ARFGEF1: variants seen among roughly 807,000 people sequenced by gnomAD.
ARFGEF1 encodes the protein ARF guanine nucleotide exchange factor 1, also known as brefeldin A-inhibited guanine nucleotide-exchange protein 1.
Under a neutral mutation model 231.0 loss-of-function variants are expected in ARFGEF1, and 42 were observed. The observed-to-expected ratio is 0.18, with a 90% CI of 0.14 to 0.24. The LOEUF is 0.24. Ranked by LOEUF, ARFGEF1 falls within the 10% of genes least tolerant of loss-of-function variation. The probability of loss-of-function intolerance (pLI) is 1.00; values close to 1 mark genes in which losing one functional copy is unlikely to be tolerated. For synonymous variants in ARFGEF1, 710 were observed against 732.3 expected (o/e 0.97, Z 0.49); for missense variants, 1,345 against 2,192.0 (o/e 0.61, Z 7.72).
chr8:67,343,630 C>G lies in ARFGEF1; in HGVS notation c.-343G>C. 9.7e-7 allele frequency: 1 copy of G among 1,035,448 alleles called. No homozygotes were observed. The highest frequency in any genetic ancestry group is 1.2e-6 in the Non-Finnish European group (1 of 862,594). 64.1% of individuals were successfully genotyped at this position (1,035,448 alleles called of 1,614,324 possible). A position where few individuals can be genotyped will look rare whatever the true frequency, so the allele number is the denominator to read the frequency against. On this transcript the variant is annotated 5_prime_UTR_variant, in exon 1 of 39. Transcript: ENST00000262215. ...GAGGGAGCCCGGCCCGGGCGGCTGT[C>G]TGCCGGGAACTGAGGGACGAGGTGG...
At chr8:67,327,316 C>T (rs903952853) in intron 1 of ARFGEF1, among the ~76,000 whole-genome samples, 5 of 148,012 alleles carry the variant, frequency 3.4e-5, no homozygotes, top group African/African-American at 5.0e-5. Context: ...CGATGACGTA[C>T]GTCTTTTTTT....
Position 67,198,316 on chromosome 8 carries a change from T to C in ARFGEF1, c.*618A>G, listed in dbSNP as rs1838179765. Reference sequence around the variant, plus strand: ...CATTTGACAAAATATTATGGGTATTTAGCAAATGAATAAGAAAATAAAGAA... The same window carrying C: ...CATTTGACAAAATATTATGGGTATTCAGCAAATGAATAAGAAAATAAAGAA... On this transcript the variant is annotated 3_prime_UTR_variant, in exon 39 of 39. Coordinates refer to ENST00000262215, the MANE Select transcript of ARFGEF1 (RefSeq NM_006421.5). The C allele has an allele frequency of 1.0e-6, 1 of 984,284 alleles. No individual in the cohort carries two copies. Among genetic ancestry groups the C allele is most frequent in the African/African-American group, 1.7e-5 (1 of 57,330 alleles). 61.0% of individuals were successfully genotyped at this position (984,284 alleles called of 1,614,324 possible).
At position 67,302,905 on chromosome 8, in the gene ARFGEF1, TTAAAAA is replaced by T. The variant is rs1331931731; in HGVS notation, c.125-445_125-440del. Among the ~76,000 whole-genome samples the T allele has an allele frequency of 9.0e-5, 9 of 100,234 alleles. 1 individual carries two copies. Among genetic ancestry groups the T allele is most frequent in the African/African-American group, 3.5e-4 (9 of 25,822 alleles). The allele number at this position is 100,234 out of a possible 152,430, so 65.8% of individuals were successfully genotyped here. A position where few individuals can be genotyped will look rare whatever the true frequency, so the allele number is the denominator to read the frequency against. On this transcript the variant is annotated intron_variant, in intron 1 of 38. Transcript: ENST00000262215. ...GCCTGGGCAACAAAGACCCCATCTC[TTAAAAA>T]AAAAAAAAAAAAAAAAAAAAAATTT...
At chr8:67,332,185 T>G (rs1808131154) in intron 1 of ARFGEF1, among the ~76,000 whole-genome samples, 1 of 152,228 alleles carries the variant, frequency 6.6e-6, no homozygotes, top group African/African-American at 2.4e-5. Flanking sequence ...TTTATATACT[T>G]ACATATGAAG....
At chr8:67,190,373 G>A (rs988708012) in intron 5 of ARFGEF1, among the ~76,000 whole-genome samples, 4 of 152,164 alleles carry the variant, frequency 2.6e-5, no homozygotes, top group Admixed American at 2.6e-4. Context: ...TAAATCTGTT[G>A]AAACAGAGCC....
rs1168106065 is a variant in ARFGEF1 at position 67,226,169 on chromosome 8, T to A, written c.3931A>T (p.Lys1311Ter). ...TGHIVTLVFE[K>*]HFPATIDSFQ... ...GAATCAATGGTCGCTGGAAAGTGTT[T>A]TTCAAATACAAGGGCTAAAATAGAG... The change falls in exon 28 of 39, where the codon AAA becomes TAA. Residue 1311 changes from lysine to a stop codon, truncating the protein, a stop_gained. Transcript: ENST00000262215. LOFTEE classifies it high-confidence loss of function. The A allele has an allele frequency of 6.2e-7, 1 of 1,605,192 alleles. No homozygotes were observed.
At chr8:67,213,577 C>T (rs1377118758) in intron 33 of ARFGEF1, among the ~76,000 whole-genome samples, 1 of 152,152 alleles carries the variant, frequency 6.6e-6, no homozygotes, top group Non-Finnish European at 1.5e-5. Context: ...GTACTTAAGC[C>T]AGATACTTAA....
intron 1 of ARFGEF1, among the ~76,000 whole-genome samples, chr8:67,323,887 G>A (rs910755138): frequency 5.3e-5 from 8 of 151,262 alleles, no homozygotes; most frequent in African/African-American, 1.5e-4. Context: ...TGCAAGCTCC[G>A]CCCCTTGAGT....
intron 5 of ARFGEF1, among the ~76,000 whole-genome samples, chr8:67,178,506 T>C (rs534433101): frequency 2.6e-5 from 4 of 152,272 alleles, no homozygotes; most frequent in Middle Eastern, 3.4e-3. Flanking sequence ...GAGACAGTAA[T>C]CAAATAAATC....
At chr8:67,262,611 G>A (rs1804682665) in intron 14 of ARFGEF1, among the ~76,000 whole-genome samples, 1 of 152,186 alleles carries the variant, frequency 6.6e-6, no homozygotes, top group Non-Finnish European at 1.5e-5. Flanking sequence ...GTGAATGGAA[G>A]AGACAATCAA....
intron 38 of ARFGEF1, chr8:67,199,621 C>T (rs1010640324): frequency 1.9e-5 from 3 of 155,508 alleles, no homozygotes; most frequent in African/African-American, 7.3e-5. Flanking sequence ...AGCCTCCTTT[C>T]CTACCCCTTC....
chr8:67,343,553 G>T lies in ARFGEF1; in HGVS notation c.-266C>A. 8.8e-7 allele frequency: 1 copy of T among 1,137,718 alleles called. No homozygotes were observed. Among genetic ancestry groups the T allele is most frequent in the Non-Finnish European group, 1.1e-6 (1 of 926,938 alleles). 70.5% of individuals were successfully genotyped at this position (1,137,718 alleles called of 1,614,324 possible). ...CGGGCCTCCGCTTCTCCCGGCCCGGGGGTCGCGTCCCGGCCGCCCCTCTCA... is the reference window on the plus strand; with the variant it reads ...CGGGCCTCCGCTTCTCCCGGCCCGGTGGTCGCGTCCCGGCCGCCCCTCTCA... On this transcript the variant is annotated 5_prime_UTR_variant, in exon 1 of 39. Coordinates refer to ENST00000262215, the MANE Select transcript of ARFGEF1 (RefSeq NM_006421.5).
chr8:67,216,461 T>A, intron 33 of ARFGEF1, 129 bp downstream of exon 33: 1 of 831,432 alleles, frequency 1.2e-6, no homozygotes, highest in East Asian at 3.2e-5. Context: ...TATTTATAAG[T>A]AATCCAGTCT....
chr8:67,227,900 C>G, intron 25 of ARFGEF1, 63 bp downstream of exon 25: 1 of 1,336,808 alleles, frequency 7.5e-7, no homozygotes, highest in Non-Finnish European at 9.9e-7. Context: ...AATTTGATTA[C>G]AAGGACATTC....
intron 1 of ARFGEF1, 85 bp from the exon 2 acceptor site, chr8:67,302,551 G>T: frequency 2.1e-6 from 2 of 933,886 alleles, no homozygotes; most frequent in Non-Finnish European, 3.1e-6. Flanking sequence ...AAACTCATTT[G>T]GAACTTCTAC....
intron 7 of ARFGEF1, 78 bp from the exon 8 acceptor site, chr8:67,277,535 A>G (rs896474288): frequency 1.1e-4 from 156 of 1,362,164 alleles, no homozygotes; most frequent in Non-Finnish European, 1.5e-4. Flanking sequence ...GAGTATTTAA[A>G]ATGAAACAGT....
At position 67,208,629 on chromosome 8, in the gene ARFGEF1, C is replaced by CAAAAA. The variant is rs1226322166; in HGVS notation, c.4819+2849_4819+2853dup. Among the ~76,000 whole-genome samples, 90 of 50,532 alleles carry CAAAAA rather than the reference C, an allele frequency of 1.8e-3. 4 individuals carry two copies. Among genetic ancestry groups the CAAAAA allele is most frequent in the African/African-American group, 5.1e-3 (86 of 16,784 alleles). The allele number at this position is 50,532 out of a possible 152,430, so 33.2% of individuals were successfully genotyped here. A position where few individuals can be genotyped will look rare whatever the true frequency, so the allele number is the denominator to read the frequency against. ...TGAGCGACAGAGTGAGACTCCATCTCAAAAAAAAAAAAAAAAAAACCAACA... is the reference window on the plus strand; with the variant it reads ...TGAGCGACAGAGTGAGACTCCATCTCAAAAAAAAAAAAAAAAAAAAAAAACCAACA... On this transcript the variant is annotated intron_variant, in intron 34 of 38. Coordinates refer to ENST00000262215, the MANE Select transcript of ARFGEF1 (RefSeq NM_006421.5).
At chr8:67,280,550 G>C (rs1367382622) in intron 7 of ARFGEF1, among the ~76,000 whole-genome samples, 1 of 152,214 alleles carries the variant, frequency 6.6e-6, no homozygotes, top group East Asian at 1.9e-4. Context: ...GGTTGGGAGA[G>C]TGAGAACAAA....
intron 4 of ARFGEF1, among the ~76,000 whole-genome samples, chr8:67,298,816 A>G (rs1439724629): frequency 1.3e-5 from 2 of 152,172 alleles, no homozygotes; most frequent in African/African-American, 4.8e-5. Flanking sequence ...CCCAGGCTGG[A>G]GCACAGTGGC....
Sources: gnomAD v4.1 joint callset for allele counts (sites outside exome capture counted in the v4.1 genomes callset) on GRCh38, gnomAD v4.1.1 for gene constraint, MANE v1.5 for transcripts, NCBI Gene and HGNC (gene_info 2026-07-23, HGNC 2026-07-21) for gene names.